Variants in MDGA2 observed in about 807,000 individuals in gnomAD.
The protein encoded by MDGA2 is MAM domain containing glycosylphosphatidylinositol anchor 2.
Under a neutral mutation model 117.8 loss-of-function variants are expected in MDGA2, and 40 were observed. The observed-to-expected ratio is 0.34, with a 90% CI of 0.26 to 0.44. The LOEUF (loss-of-function observed/expected upper bound fraction) is 0.44, where lower values mean the gene tolerates loss of function less well. Ranked by LOEUF, MDGA2 falls within the 20% of genes least tolerant of loss-of-function variation. The pLI is 1.00. For synonymous variants in MDGA2, 452 were observed against 439.0 expected (o/e 1.03, Z -0.37); for missense variants, 1,123 against 1,250.6 (o/e 0.90, Z 1.54).
At chr14:47,169,748 TA>T (rs1167482743) in intron 3 of MDGA2, among the ~76,000 whole-genome samples, 1 of 152,216 alleles carries the variant, frequency 6.6e-6, no homozygotes, top group South Asian at 2.1e-4. Context: ...AACAATGGCA[TA>T]ACAGACAAAC....
chr14:46,991,316 A>G (rs538079914), intron 8 of MDGA2, among the ~76,000 whole-genome samples: 1 of 152,278 alleles, frequency 6.6e-6, no homozygotes, highest in South Asian at 2.1e-4. Flanking sequence ...TTTCAGAAAG[A>G]AAAGAAATAT....
At chr14:46,971,203 C>T (rs2138332160) in intron 8 of MDGA2, among the ~76,000 whole-genome samples, 1 of 152,162 alleles carries the variant, frequency 6.6e-6, no homozygotes, top group South Asian at 2.1e-4. Context: ...CTACCAATTC[C>T]ACTGGATATT....
chr14:47,046,120 T>C (rs1460373693), intron 7 of MDGA2, among the ~76,000 whole-genome samples: 1 of 151,150 alleles, frequency 6.6e-6, no homozygotes, highest in Admixed American at 6.6e-5. Context: ...AACCTGCACA[T>C]TGTGCACATG....
chr14:46,846,484 G>T (rs561322155), intron 15 of MDGA2, among the ~76,000 whole-genome samples: 1 of 152,038 alleles, frequency 6.6e-6, no homozygotes, highest in East Asian at 1.9e-4. Flanking sequence ...TATTTATGTT[G>T]AATATCTCAC....
At chr14:46,976,611 A>G (rs1886469125) in intron 8 of MDGA2, among the ~76,000 whole-genome samples, 1 of 151,940 alleles carries the variant, frequency 6.6e-6, no homozygotes, top group Non-Finnish European at 1.5e-5. Context: ...GTTGATCCCA[A>G]AATGAAGCTA....
chr14:47,224,755 G>C (rs185636579), intron 2 of MDGA2, among the ~76,000 whole-genome samples: 1 of 152,172 alleles, frequency 6.6e-6, no homozygotes, highest in African/African-American at 2.4e-5. Flanking sequence ...AAAGGTTACA[G>C]AGTGCCAGCC....
intron 10 of MDGA2, among the ~76,000 whole-genome samples, chr14:46,918,719 T>C (rs1208660218): frequency 2.7e-5 from 4 of 150,872 alleles, no homozygotes; most frequent in African/African-American, 9.9e-5. Context: ...TTTTTGAGAA[T>C]CTTAAACAGG....
intron 5 of MDGA2, among the ~76,000 whole-genome samples, chr14:47,128,948 C>G (rs1242062284): frequency 6.6e-6 from 1 of 152,114 alleles, no homozygotes. Flanking sequence ...CTCGGCCTCC[C>G]AAAGTGCTGG....
chr14:47,649,908 G>C (rs184221938), intron 1 of MDGA2, among the ~76,000 whole-genome samples: 1 of 152,190 alleles, frequency 6.6e-6, no homozygotes, highest in African/African-American at 2.4e-5. Context: ...GAGAGGTAGA[G>C]AATGTAATGG....
chr14:47,485,824 A>G (rs2138643429), intron 1 of MDGA2, among the ~76,000 whole-genome samples: 1 of 152,322 alleles, frequency 6.6e-6, no homozygotes, highest in African/African-American at 2.4e-5. Context: ...GCCAGGACAC[A>G]GAAGTCAAAA....
chr14:47,627,357 T>C (rs1388209138), intron 1 of MDGA2, among the ~76,000 whole-genome samples: 1 of 151,452 alleles, frequency 6.6e-6, no homozygotes, highest in Non-Finnish European at 1.5e-5. Flanking sequence ...ACTGGCACTC[T>C]GTGTCTAGTT....
At chr14:47,358,373 C>A (rs1891040945) in intron 1 of MDGA2, among the ~76,000 whole-genome samples, 1 of 152,172 alleles carries the variant, frequency 6.6e-6, no homozygotes, top group African/African-American at 2.4e-5. Context: ...CTTGTTAAAC[C>A]TTTCTTGGTT....
chr14:47,236,630 T>C (rs1488087387), intron 2 of MDGA2, among the ~76,000 whole-genome samples: 6 of 152,186 alleles, frequency 3.9e-5, no homozygotes, highest in Non-Finnish European at 7.3e-5. Flanking sequence ...TAGCATCCCA[T>C]AAGTGATTGC....
At chr14:47,628,005 G>C (rs1327932726) in intron 1 of MDGA2, among the ~76,000 whole-genome samples, 1 of 152,170 alleles carries the variant, frequency 6.6e-6, no homozygotes, top group Non-Finnish European at 1.5e-5. Context: ...AAGTCAGTGA[G>C]ACCAACAACC....
At chr14:47,667,972 T>C (rs768964069) in intron 1 of MDGA2, among the ~76,000 whole-genome samples, 1 of 152,170 alleles carries the variant, frequency 6.6e-6, no homozygotes, top group Non-Finnish European at 1.5e-5. Flanking sequence ...AAGTGTAAGT[T>C]ACATCATAAT....
chr14:47,202,763 A>T (rs1213130576), intron 3 of MDGA2, among the ~76,000 whole-genome samples: 3 of 152,236 alleles, frequency 2.0e-5, no homozygotes, highest in African/African-American at 7.2e-5. Flanking sequence ...GTGTAAATCC[A>T]GGATGAGAAG....
At position 47,172,386 on chromosome 14, in the gene MDGA2, G is replaced by A. The variant is rs567362036; in HGVS notation, c.596-28112C>T. 2.6e-5 allele frequency among the ~76,000 whole-genome samples: 4 copies of A among 151,984 alleles called. No individual in the cohort carries two copies. The East Asian group carries it at 7.8e-4, about 30-fold the overall frequency. On this transcript the variant is annotated intron_variant, in intron 3 of 16. Coordinates refer to ENST00000399232, the MANE Select transcript of MDGA2 (RefSeq NM_001113498.3). ...CCCCTGACCCCCGAGAAGCCTAACTGGGAGGCACCCCCAAGTAGGGGCAGA... is the reference window on the plus strand; with the variant it reads ...CCCCTGACCCCCGAGAAGCCTAACTAGGAGGCACCCCCAAGTAGGGGCAGA...
chr14:47,071,656 C>G lies in MDGA2; in HGVS notation c.1196-10078G>C, dbSNP rs141928694. Among the ~76,000 whole-genome samples, 59 of 151,714 alleles carry G rather than the reference C, an allele frequency of 3.9e-4. No individual in the cohort carries two copies. In the East Asian group the frequency reaches 7.0e-3, roughly 18 times the overall value. On this transcript the variant is annotated intron_variant, in intron 6 of 16. Transcript: ENST00000399232. ...CCATCCTGTACAATTGTTTGTTGAG[C>G]CATTTAATTGGCTTTACTCTTTACA...
chr14:47,003,277 A>G (rs573252863), intron 8 of MDGA2, among the ~76,000 whole-genome samples: 1 of 152,018 alleles, frequency 6.6e-6, no homozygotes, highest in Admixed American at 6.6e-5. Flanking sequence ...TTTGTGTGTA[A>G]GTTGTTAAGT....
Sources: gnomAD v4.1 joint callset for allele counts (sites outside exome capture counted in the v4.1 genomes callset) on GRCh38, gnomAD v4.1.1 for gene constraint, MANE v1.5 for transcripts, NCBI Gene and HGNC (gene_info 2026-07-23, HGNC 2026-07-21) for gene names.